The following EXOC6B variants were observed in gnomAD, a reference collection of about 807,000 sequenced individuals.
EXOC6B encodes the protein SEC15 homolog B.
A neutral mutation model predicts 113.5 loss-of-function variants in EXOC6B; 54 were observed. The observed-to-expected ratio is 0.48, with a 90% confidence interval of 0.38 to 0.60. The LOEUF is 0.60. Among genes scored for constraint, EXOC6B ranks in the 20% least tolerant of loss-of-function variants. The pLI is 0.00. For missense variants in EXOC6B, 797 were observed against 977.5 expected (o/e 0.82, Z 2.46); for synonymous variants, 357 against 339.0 (o/e 1.05, Z -0.58).
At position 72,803,585 on chromosome 2, in the gene EXOC6B, C is replaced by T. The variant is rs1452096486; in HGVS notation, c.113+22213G>A. On this transcript the variant is annotated intron_variant, in intron 1 of 21. Coordinates refer to ENST00000272427, the MANE Select transcript of EXOC6B (RefSeq NM_015189.3). ...TTTCTGCAAGGGAAGAAAAAAAATG[C>T]TGTCAGTATTAAAATAAGGAAAATG... 2.0e-5 allele frequency among the ~76,000 whole-genome samples: 3 copies of T among 152,058 alleles called. No individual in the cohort carries two copies. The East Asian group carries it at 5.8e-4, about 29-fold the overall frequency.
At chr2:72,517,105 T>C (rs1701252358) in intron 8 of EXOC6B, among the ~76,000 whole-genome samples, 2 of 152,172 alleles carry the variant, frequency 1.3e-5, no homozygotes, top group Admixed American at 1.3e-4. Flanking sequence ...ACATTTTCTC[T>C]AAAAGGCAGG....
intron 6 of EXOC6B, among the ~76,000 whole-genome samples, chr2:72,707,215 T>C (rs766491957): frequency 1.3e-5 from 2 of 152,200 alleles, no homozygotes; most frequent in Non-Finnish European, 2.9e-5. Flanking sequence ...TAATTTGTAA[T>C]GCAGAAATAG....
At chr2:72,799,930 T>C (rs1391790438) in intron 1 of EXOC6B, among the ~76,000 whole-genome samples, 2 of 152,048 alleles carry the variant, frequency 1.3e-5, no homozygotes, top group African/African-American at 4.8e-5. Context: ...CTGGACATGG[T>C]GGCATGCACC....
At chr2:72,616,216 G>C (rs13429668) in intron 6 of EXOC6B, among the ~76,000 whole-genome samples, 2,538 of 152,044 alleles carry the variant, frequency 0.017, 67 homozygotes, top group African/African-American at 0.058. Context: ...GTGACCTAGA[G>C]ATTTAATGCA....
chr2:72,701,666 T>A (rs1037208901), intron 6 of EXOC6B, among the ~76,000 whole-genome samples: 1 of 152,172 alleles, frequency 6.6e-6, no homozygotes. Flanking sequence ...CCGGAGTCTA[T>A]CTTACCTACA....
At chr2:72,800,739 G>A (rs116345600) in intron 1 of EXOC6B, among the ~76,000 whole-genome samples, 11 of 152,230 alleles carry the variant, frequency 7.2e-5, no homozygotes, top group Admixed American at 1.3e-4. Context: ...CCAAAGTCTG[G>A]ACTTGGACTC....
At chr2:72,602,974 C>A (rs1210273919) in intron 6 of EXOC6B, among the ~76,000 whole-genome samples, 2 of 151,788 alleles carry the variant, frequency 1.3e-5, no homozygotes, top group African/African-American at 4.8e-5. Context: ...CTCTCTCCCC[C>A]ATAAAAAATA....
At chr2:72,741,608 T>C (rs150504914) in intron 1 of EXOC6B, 139 bp from the exon 2 acceptor site, 20 of 639,546 alleles carry the variant, frequency 3.1e-5, no homozygotes, top group African/African-American at 2.8e-4. Flanking sequence ...TATTGTTAAA[T>C]GAGTATTTTT....
intron 6 of EXOC6B, among the ~76,000 whole-genome samples, chr2:72,645,848 T>C (rs950233814): frequency 1.1e-4 from 16 of 152,054 alleles, no homozygotes; most frequent in Admixed American, 8.5e-4. Context: ...AGGAAAGATC[T>C]AAAATCAACA....
chr2:72,497,142 T>G (rs1056007330), intron 13 of EXOC6B, among the ~76,000 whole-genome samples: 2 of 151,654 alleles, frequency 1.3e-5, no homozygotes, highest in Admixed American at 6.6e-5. Flanking sequence ...TCGGGCTAAT[T>G]TTTAATTTTT....
intron 20 of EXOC6B, among the ~76,000 whole-genome samples, chr2:72,218,168 G>A (rs930589223): frequency 2.6e-5 from 4 of 152,154 alleles, no homozygotes; most frequent in African/African-American, 9.7e-5. Context: ...CTTGCCTTTT[G>A]TCAACTATAC....
intron 6 of EXOC6B, among the ~76,000 whole-genome samples, chr2:72,645,849 A>G (rs1160372808): frequency 1.3e-5 from 2 of 152,224 alleles, no homozygotes; most frequent in Non-Finnish European, 2.9e-5. Flanking sequence ...GGAAAGATCT[A>G]AAATCAACAC....
At chr2:72,640,632 G>A (rs936323896) in intron 6 of EXOC6B, among the ~76,000 whole-genome samples, 2 of 152,148 alleles carry the variant, frequency 1.3e-5, no homozygotes, top group Non-Finnish European at 2.9e-5. Flanking sequence ...CCTACAAAGG[G>A]AAGCCTATCA....
chr2:72,721,364 TAA>T (rs11408155), intron 5 of EXOC6B, among the ~76,000 whole-genome samples: 3 of 28,494 alleles, frequency 1.1e-4, no homozygotes, highest in Non-Finnish European at 1.8e-4. Context: ...GTTGTTTTTG[TAA>T]AAAAAAAAAA....
At chr2:72,784,344 A>G (rs1684250357) in intron 1 of EXOC6B, among the ~76,000 whole-genome samples, 1 of 152,182 alleles carries the variant, frequency 6.6e-6, no homozygotes, top group Non-Finnish European at 1.5e-5. Flanking sequence ...TTGGTTCCAC[A>G]TGAATTTCAG....
intron 6 of EXOC6B, among the ~76,000 whole-genome samples, chr2:72,578,231 C>A (rs1385340715): frequency 6.6e-6 from 1 of 152,040 alleles, no homozygotes; most frequent in Non-Finnish European, 1.5e-5. Context: ...TCTTCTTAAA[C>A]CACATTTGTT....
At chr2:72,471,821 C>T (rs1457946464) in intron 17 of EXOC6B, among the ~76,000 whole-genome samples, 1 of 152,162 alleles carries the variant, frequency 6.6e-6, no homozygotes, top group Non-Finnish European at 1.5e-5. Flanking sequence ...GAAAGGCAGT[C>T]AACCTTTTCC....
At chr2:72,671,282 C>T (rs527692141) in intron 6 of EXOC6B, among the ~76,000 whole-genome samples, 27 of 152,128 alleles carry the variant, frequency 1.8e-4, no homozygotes, top group Non-Finnish European at 3.7e-4. Context: ...GGACTAATAA[C>T]CAGAACATAT....
intron 18 of EXOC6B, among the ~76,000 whole-genome samples, chr2:72,428,036 C>T (rs1695306370): frequency 6.6e-6 from 1 of 152,152 alleles, no homozygotes; most frequent in Non-Finnish European, 1.5e-5. Flanking sequence ...GCTGAATACT[C>T]CATGGAACAC....
Sources: gnomAD v4.1 joint callset for allele counts (sites outside exome capture counted in the v4.1 genomes callset) on GRCh38, gnomAD v4.1.1 for gene constraint, MANE v1.5 for transcripts, NCBI Gene and HGNC (gene_info 2026-07-23, HGNC 2026-07-21) for gene names.